Variants in NPRL3 observed in about 807,000 individuals in gnomAD.
The protein encoded by NPRL3 is GATOR1 complex protein NPRL3.
NPRL3 carries 23 observed loss-of-function variants against 57.2 expected under a neutral mutation model. The observed-to-expected ratio is 0.40, with a 90% confidence interval of 0.29 to 0.57. The LOEUF (loss-of-function observed/expected upper bound fraction) is 0.57. NPRL3 is among the 20% of genes least tolerant of loss of function. NPRL3 has a pLI of 0.42. For missense variants in NPRL3, 691 were observed against 767.1 expected (o/e 0.90, Z 1.17); for synonymous variants, 333 against 321.1 (o/e 1.04, Z -0.39).
chr16:122,414 AGTCT>A (rs1157338827), intron 3 of NPRL3, among the ~76,000 whole-genome samples: 1 of 152,218 alleles, frequency 6.6e-6, no homozygotes, highest in South Asian at 2.1e-4. Context: ...TACTTTATAT[AGTCT>A]GTCTGGTAAT....
At position 138,301 on chromosome 16, in the gene NPRL3, G is replaced by A. The variant is rs371997406; in HGVS notation, c.-34C>T. The A allele has an allele frequency of 1.5e-4, 218 of 1,484,850 alleles. 2 individuals carry two copies. Among genetic ancestry groups the A allele is most frequent in the Middle Eastern group, 6.4e-4 (3 of 4,700 alleles). The allele number at this position is 1,484,850 out of a possible 1,614,324, so 92.0% of individuals were successfully genotyped here. A position where few individuals can be genotyped will look rare whatever the true frequency, so the allele number is the denominator to read the frequency against. On this transcript the variant is annotated 5_prime_UTR_variant, in exon 2 of 14. Transcript: ENST00000611875. ...GGGGCCGGGGCCGGGGGCGGAGGGG[G>A]CCAGAGGAGGACGGAGCCGGAGGCG...
At chr16:94,807 T>G (rs2141912629) in intron 9 of NPRL3, among the ~76,000 whole-genome samples, 1 of 152,206 alleles carries the variant, frequency 6.6e-6, no homozygotes, top group South Asian at 2.1e-4. Context: ...CGCATGTCTC[T>G]CTCAAAAAGA....
intron 6 of NPRL3, among the ~76,000 whole-genome samples, chr16:111,060 CAATTATAATTAGTATAT>C (rs1367398016): frequency 6.6e-6 from 1 of 152,110 alleles, no homozygotes; most frequent in Non-Finnish European, 1.5e-5. Context: ...GTTATTATCA[CAATTATAATTAGTATAT>C]AATTGGCCAA....
intron 5 of NPRL3, among the ~76,000 whole-genome samples, chr16:113,348 G>A (rs1273692038): frequency 1.3e-5 from 2 of 152,222 alleles, no homozygotes; most frequent in African/African-American, 2.4e-5. Context: ...CCTGAAGGAT[G>A]AGAAGCTCTT....
intron 3 of NPRL3, among the ~76,000 whole-genome samples, chr16:124,340 TTTC>T (rs1900419803): frequency 1.3e-5 from 2 of 152,022 alleles, no homozygotes; most frequent in Admixed American, 1.3e-4. Flanking sequence ...TATCTCATCT[TTTC>T]TTTTCTTTTT....
chr16:97,814 C>A (rs1488460168), intron 9 of NPRL3, among the ~76,000 whole-genome samples: 1 of 152,148 alleles, frequency 6.6e-6, no homozygotes, highest in Non-Finnish European at 1.5e-5. Flanking sequence ...CATGGCCCTG[C>A]CCGCTGCTGC....
Position 130,527 on chromosome 16 carries a change from A to G in NPRL3, c.183T>C (p.Asp61=). Residue 61 remains aspartate, a synonymous_variant, in exon 3 of 14, where the codon GAT becomes GAC. Transcript: ENST00000611875. ...TGDHADEQDG[D]SRFSDVILAT... Reference sequence around the variant, plus strand: ...AGTGGCCGCAGAGCCTTTACCTGGAATCGCCGTCCTGCTCATCAGCATGGT... The same window carrying G: ...AGTGGCCGCAGAGCCTTTACCTGGAGTCGCCGTCCTGCTCATCAGCATGGT... 1.3e-6 allele frequency: 2 copies of G among 1,551,856 alleles called. No individual in the cohort carries two copies. The highest frequency in any genetic ancestry group is 1.7e-6 in the Non-Finnish European group (2 of 1,147,696).
intron 9 of NPRL3, among the ~76,000 whole-genome samples, chr16:95,222 G>C (rs79217121): frequency 0.011 from 1,714 of 151,752 alleles, 27 homozygotes; most frequent in African/African-American, 0.038. Flanking sequence ...ATAGATTTTG[G>C]GGATTAGGAT....
Position 100,269 on chromosome 16 carries a change from A to G in NPRL3, c.767+103T>C, listed in dbSNP as rs1374950885. ...ACCTGCAAGCTTCCGCAGTGGGAAG[A>G]AGAAAAAGAGAAATTTTGGAACAAA... On this transcript the variant is annotated intron_variant, in intron 8 of 13. Coordinates refer to ENST00000611875, the MANE Select transcript of NPRL3 (RefSeq NM_001077350.3). The G allele has an allele frequency of 3.1e-6, 4 of 1,274,184 alleles. No individual in the cohort carries two copies. In the African/African-American group the frequency reaches 6.1e-5, roughly 20 times the overall value. 78.9% of individuals were successfully genotyped at this position (1,274,184 alleles called of 1,614,324 possible).
intron 12 of NPRL3, 54 bp from the exon 13 acceptor site, chr16:88,944 A>C: frequency 6.5e-7 from 1 of 1,544,120 alleles, no homozygotes; most frequent in Non-Finnish European, 8.9e-7. Context: ...CACCCAGGGG[A>C]ACAGCGAGGG....
intron 3 of NPRL3, 77 bp from the exon 4 acceptor site, chr16:119,332 G>T: frequency 6.9e-7 from 1 of 1,446,990 alleles, no homozygotes; most frequent in Non-Finnish European, 9.4e-7. Flanking sequence ...CCCCAGAGCG[G>T]AAGGGTCTCA....
At chr16:134,149 G>A (rs1900942179) in intron 2 of NPRL3, among the ~76,000 whole-genome samples, 1 of 152,072 alleles carries the variant, frequency 6.6e-6, no homozygotes, top group African/African-American at 2.4e-5. Flanking sequence ...GGTGCTGACA[G>A]ACTTGCTGGA....
chr16:95,326 T>TGTATAC (rs1555440520), intron 9 of NPRL3, among the ~76,000 whole-genome samples: 2 of 28,062 alleles, frequency 7.1e-5, no homozygotes, highest in Non-Finnish European at 1.7e-4. Context: ...TTTGTGTGTG[T>TGTATAC]ATATATATAT....
At chr16:117,907 C>T (rs1900114737) in intron 4 of NPRL3, among the ~76,000 whole-genome samples, 9 of 152,228 alleles carry the variant, frequency 5.9e-5, no homozygotes, top group Admixed American at 5.9e-4. Context: ...CGGGGGAACT[C>T]TTCAAAGCCA....
At chr16:114,451 T>C (rs192889862) in intron 5 of NPRL3, among the ~76,000 whole-genome samples, 2 of 152,286 alleles carry the variant, frequency 1.3e-5, no homozygotes, top group Admixed American at 1.3e-4. Context: ...TCCCCAAAAC[T>C]TGTACCCAAA....
At chr16:97,345 A>G (rs966846324) in intron 9 of NPRL3, among the ~76,000 whole-genome samples, 2 of 151,134 alleles carry the variant, frequency 1.3e-5, no homozygotes, top group Admixed American at 6.6e-5. Context: ...CCCAGGCTCA[A>G]TTGATCCTCA....
Position 110,581 on chromosome 16 carries a change from G to A in NPRL3, c.573C>T (p.Phe191=). 2 of 1,611,664 alleles carry A rather than the reference G, an allele frequency of 1.2e-6. No homozygotes were observed. The highest frequency in any genetic ancestry group is 2.2e-5 in the South Asian group (2 of 90,430). The change falls in exon 7 of 14, where the codon TTC becomes TTT. Residue 191 remains phenylalanine, a synonymous_variant. Coordinates refer to ENST00000611875, the MANE Select transcript of NPRL3 (RefSeq NM_001077350.3). ...ADGNEGPQSP[F]HHILPKCKLA... Reference sequence around the variant, plus strand: ...GCTTGCACTTGGGCAGGATGTGATGGAATGGGGACTGAGGACCTTCATTTC... The same window carrying A: ...GCTTGCACTTGGGCAGGATGTGATGAAATGGGGACTGAGGACCTTCATTTC...
intron 2 of NPRL3, among the ~76,000 whole-genome samples, chr16:132,605 T>C (rs1900859686): frequency 1.3e-5 from 2 of 152,224 alleles, no homozygotes; most frequent in African/African-American, 4.8e-5. Context: ...TTTCAATTTA[T>C]TTTGCCCTGA....
chr16:88,971 C>T (rs1016241323), intron 12 of NPRL3, 81 bp from the exon 13 acceptor site: 1 of 1,268,008 alleles, frequency 7.9e-7, no homozygotes. Flanking sequence ...CAGCAGCCAG[C>T]CTCCAATGAC....
Sources: gnomAD v4.1 joint callset for allele counts (sites outside exome capture counted in the v4.1 genomes callset) on GRCh38, gnomAD v4.1.1 for gene constraint, MANE v1.5 for transcripts, NCBI Gene and HGNC (gene_info 2026-07-23, HGNC 2026-07-21) for gene names.